The following DIAPH2 variants were observed in gnomAD, a reference collection of about 807,000 sequenced individuals.
DIAPH2 encodes diaphanous related formin 2.
In DIAPH2, 35 loss-of-function variants were observed where a neutral mutation model predicts 92.7. That is an observed-to-expected ratio of 0.38 (90% CI 0.29 to 0.50). DIAPH2 has a LOEUF of 0.50. Ranked by LOEUF, DIAPH2 falls within the 20% of genes least tolerant of loss-of-function variation. The pLI is 0.94. For missense variants in DIAPH2, 701 were observed against 819.5 expected, an observed-to-expected ratio of 0.86 and a Z score of 1.77; for synonymous variants, 301 against 280.4, an observed-to-expected ratio of 1.07 and a Z score of -0.73.
chrX:97,545,533 A>AATATATAT (rs72373635), intron 26 of DIAPH2, among the ~76,000 whole-genome samples: 1 of 79,358 alleles, frequency 1.3e-5, no homozygotes, highest in African/African-American at 5.0e-5. Flanking sequence ...AAAAAAAAAA[A>AATATATAT]ATATATATAT....
At position 96,746,347 on chromosome X, in the gene DIAPH2, T is replaced by C. The variant is rs138557725; in HGVS notation, c.342+7585T>C. Among the ~76,000 whole-genome samples, 52 of 111,741 alleles carry C rather than the reference T, an allele frequency of 4.7e-4. 1 individual carries two copies. The East Asian group carries it at 9.3e-3, about 20-fold the overall frequency. On this transcript the variant is annotated intron_variant, in intron 3 of 26. Transcript: ENST00000324765. ...TTGAGAAGTGGTTCTTTTACTAAAG[T>C]TTTCAAGAATTAAAACCACTGCTTT... is the stretch of plus-strand genomic sequence containing the variant.
intron 26 of DIAPH2, among the ~76,000 whole-genome samples, chrX:97,579,124 C>T (rs2071420116): frequency 9.1e-6 from 1 of 109,726 alleles, no homozygotes; most frequent in Non-Finnish European, 1.9e-5. Flanking sequence ...TGTAGGTTGC[C>T]TGTTCACTCT....
At chrX:97,203,363 A>G (rs1043505231) in intron 22 of DIAPH2, among the ~76,000 whole-genome samples, 5 of 111,876 alleles carry the variant, frequency 4.5e-5, no homozygotes, top group African/African-American at 1.6e-4. Flanking sequence ...AACCCTTCAA[A>G]AAAATCAATG....
At chrX:96,993,653 G>A (rs1260289778) in intron 17 of DIAPH2, among the ~76,000 whole-genome samples, 2 of 111,779 alleles carry the variant, frequency 1.8e-5, no homozygotes, top group Admixed American at 1.9e-4. Flanking sequence ...CAACACTGGG[G>A]ATTACAATTT....
intron 26 of DIAPH2, among the ~76,000 whole-genome samples, chrX:97,592,648 A>G (rs2071525357): frequency 8.9e-6 from 1 of 112,079 alleles, no homozygotes. Flanking sequence ...GTGCATCTCA[A>G]TTAGAATACT....
chrX:97,465,334 C>T (rs1050569488), intron 26 of DIAPH2, among the ~76,000 whole-genome samples: 1 of 111,068 alleles, frequency 9.0e-6, no homozygotes, highest in African/African-American at 3.3e-5. Flanking sequence ...TACAATTGTC[C>T]TTTCATATCC....
At chrX:96,897,082 GT>G (rs2065349917) in intron 5 of DIAPH2, among the ~76,000 whole-genome samples, 1 of 111,771 alleles carries the variant, frequency 8.9e-6, no homozygotes, top group Admixed American at 9.6e-5. Flanking sequence ...GAAGGTGTAA[GT>G]TCAAGAGATT....
intron 22 of DIAPH2, among the ~76,000 whole-genome samples, chrX:97,175,129 A>G (rs1427306440): frequency 8.9e-6 from 1 of 112,137 alleles, no homozygotes; most frequent in Non-Finnish European, 1.9e-5. Flanking sequence ...TCATGTGCAT[A>G]CTGCATTATG....
intron 20 of DIAPH2, among the ~76,000 whole-genome samples, chrX:97,114,443 AATG>A (rs1370294603): frequency 8.9e-6 from 1 of 112,139 alleles, no homozygotes; most frequent in African/African-American, 3.2e-5. Flanking sequence ...ATTGATGGCT[AATG>A]ATTATGCAAT....
intron 10 of DIAPH2, among the ~76,000 whole-genome samples, chrX:96,931,497 T>C (rs1321908571): frequency 9.0e-6 from 1 of 111,104 alleles, no homozygotes; most frequent in African/African-American, 3.3e-5. Context: ...TATTGCAGAC[T>C]ATGGCATTGT....
chrX:97,388,510 C>G (rs1307787510), intron 25 of DIAPH2, among the ~76,000 whole-genome samples: 1 of 111,283 alleles, frequency 9.0e-6, no homozygotes, highest in Non-Finnish European at 1.9e-5. Flanking sequence ...TGCTAACATG[C>G]CCAGCTGCTC....
chrX:96,935,342 A>G (rs950900190), intron 10 of DIAPH2, among the ~76,000 whole-genome samples: 19 of 111,630 alleles, frequency 1.7e-4, no homozygotes, highest in Non-Finnish European at 2.8e-4. Flanking sequence ...AAAGATAAAC[A>G]TATATATGTG....
intron 20 of DIAPH2, among the ~76,000 whole-genome samples, chrX:97,113,721 C>T (rs1435289929): frequency 1.8e-5 from 2 of 111,962 alleles, no homozygotes; most frequent in Non-Finnish European, 3.8e-5. Flanking sequence ...TTGTTTATGT[C>T]GTCAAATTCT....
chrX:97,583,363 C>G (rs1476425835), intron 26 of DIAPH2, among the ~76,000 whole-genome samples: 2 of 108,706 alleles, frequency 1.8e-5, no homozygotes, highest in Non-Finnish European at 3.8e-5. Context: ...GTGTGGATGT[C>G]CTTTCTGTTT....
chrX:96,721,095 A>T (rs758514290), intron 1 of DIAPH2, among the ~76,000 whole-genome samples: 1 of 111,526 alleles, frequency 9.0e-6, no homozygotes, highest in Admixed American at 9.5e-5. Context: ...TCCAGAGTTT[A>T]TCTTGAAATC....
intron 26 of DIAPH2, among the ~76,000 whole-genome samples, chrX:97,458,174 C>T (rs1053722168): frequency 9.0e-6 from 1 of 111,200 alleles, no homozygotes; most frequent in Non-Finnish European, 1.9e-5. Flanking sequence ...GTATGAATAC[C>T]AAGGGGTTGG....
At chrX:96,692,300 C>G (rs1476292562) in intron 1 of DIAPH2, among the ~76,000 whole-genome samples, 2 of 111,669 alleles carry the variant, frequency 1.8e-5, no homozygotes, top group Non-Finnish European at 3.8e-5. Flanking sequence ...TCATTTTACT[C>G]CTACATACTG....
At chrX:97,249,088 A>G (rs1186595611) in intron 23 of DIAPH2, among the ~76,000 whole-genome samples, 1 of 105,994 alleles carries the variant, frequency 9.4e-6, no homozygotes, top group African/African-American at 3.5e-5. Flanking sequence ...CAAATATGTT[A>G]TATTGTCCTG....
chrX:96,736,898 A>T (rs1311699822), intron 2 of DIAPH2, among the ~76,000 whole-genome samples: 1 of 112,333 alleles, frequency 8.9e-6, no homozygotes, highest in Non-Finnish European at 1.9e-5. Flanking sequence ...TTGCATATTT[A>T]AATGCTTTCA....
Sources: allele counts gnomAD v4.1 joint callset (sites outside exome capture counted in the v4.1 genomes callset), GRCh38; gene constraint gnomAD v4.1.1; transcripts MANE v1.5; gene names NCBI Gene and HGNC (gene_info 2026-07-23, HGNC 2026-07-21).